The following RBFOX1 variants were observed in gnomAD, a reference collection of about 807,000 sequenced individuals.
The protein encoded by RBFOX1 is RNA binding fox-1 homolog 1.
Under a neutral mutation model 57.7 loss-of-function variants are expected in RBFOX1, and 8 were observed. That is an observed-to-expected ratio of 0.14 (90% CI 0.08 to 0.25). The LOEUF is 0.25. Among genes scored for constraint, RBFOX1 ranks in the 10% least tolerant of loss-of-function variants. RBFOX1 has a pLI of 1.00. For missense variants in RBFOX1, 611 were observed against 548.5 expected (o/e 1.11, Z -1.14); for synonymous variants, 326 against 222.4 (o/e 1.47, Z -4.15).
At chr16:5,709,785 C>T (rs1447468190) in intron 3 of RBFOX1, among the ~76,000 whole-genome samples, 1 of 103,080 alleles carries the variant, frequency 9.7e-6, no homozygotes, top group Non-Finnish European at 1.9e-5. Flanking sequence ...CCACTGTAAT[C>T]TACTGGGTGT....
intron 3 of RBFOX1, among the ~76,000 whole-genome samples, chr16:6,844,627 A>C (rs1210861515): frequency 6.6e-6 from 1 of 152,086 alleles, no homozygotes; most frequent in Non-Finnish European, 1.5e-5. Flanking sequence ...TGCTATCGTG[A>C]ATAGTGCTGC....
At chr16:7,571,807 C>T (rs1009748512) in intron 5 of RBFOX1, among the ~76,000 whole-genome samples, 5 of 141,186 alleles carry the variant, frequency 3.5e-5, no homozygotes, top group Non-Finnish European at 1.6e-5. Context: ...GAGGCTGCGT[C>T]TCAGAGTTGT....
intron 2 of RBFOX1, among the ~76,000 whole-genome samples, chr16:6,375,626 C>T (rs2091072273): frequency 6.6e-6 from 1 of 152,098 alleles, no homozygotes; most frequent in African/African-American, 2.4e-5. Context: ...GATTGCTGGA[C>T]AGCCCCCTTG....
At chr16:5,560,033 T>A (rs1182032925) in intron 2 of RBFOX1, among the ~76,000 whole-genome samples, 2 of 152,182 alleles carry the variant, frequency 1.3e-5, no homozygotes, top group South Asian at 2.1e-4. Context: ...CTCTTGTCTG[T>A]CTTATAACCT....
chr16:5,441,477 G>A (rs192766544), intron 1 of RBFOX1, among the ~76,000 whole-genome samples: 2 of 150,298 alleles, frequency 1.3e-5, no homozygotes, highest in Admixed American at 1.3e-4. Flanking sequence ...CTATTCTCCT[G>A]CCTCAGCCTC....
intron 3 of RBFOX1, among the ~76,000 whole-genome samples, chr16:5,862,168 C>T (rs2057235106): frequency 6.6e-6 from 1 of 152,194 alleles, no homozygotes; most frequent in Non-Finnish European, 1.5e-5. Flanking sequence ...TGCTAGACTC[C>T]TTCAGGGTTT....
chr16:7,703,059 T>G (rs2081287632), intron 14 of RBFOX1, among the ~76,000 whole-genome samples: 1 of 152,190 alleles, frequency 6.6e-6, no homozygotes, highest in Non-Finnish European at 1.5e-5. Context: ...AAAGAGAACA[T>G]CCCTTTAGCT....
intron 4 of RBFOX1, among the ~76,000 whole-genome samples, chr16:7,386,996 T>G (rs1009190730): frequency 2.6e-5 from 4 of 152,248 alleles, no homozygotes; most frequent in African/African-American, 9.6e-5. Context: ...GAGCATTTAT[T>G]CATATGTTTG....
At chr16:6,848,314 C>G (rs936164605) in intron 3 of RBFOX1, among the ~76,000 whole-genome samples, 20 of 152,220 alleles carry the variant, frequency 1.3e-4, no homozygotes, top group African/African-American at 3.4e-4. Flanking sequence ...CAGGCTTTCT[C>G]ATTTCTCCAG....
intron 4 of RBFOX1, among the ~76,000 whole-genome samples, chr16:7,439,522 T>C (rs537739922): frequency 6.6e-6 from 1 of 152,204 alleles, no homozygotes; most frequent in Admixed American, 6.5e-5. Flanking sequence ...CCAGGCCTTG[T>C]AAGTCGATAG....
At chr16:6,046,231 G>A (rs1376702893) in intron 1 of RBFOX1, among the ~76,000 whole-genome samples, 1 of 152,196 alleles carries the variant, frequency 6.6e-6, no homozygotes, top group Non-Finnish European at 1.5e-5. Flanking sequence ...TGATGATGAT[G>A]CCTGGTCCTA....
intron 4 of RBFOX1, among the ~76,000 whole-genome samples, chr16:7,450,192 G>A (rs948450648): frequency 1.3e-5 from 2 of 152,128 alleles, no homozygotes; most frequent in South Asian, 2.1e-4. Flanking sequence ...TCAGGGGATC[G>A]AGATCATCCT....
intron 5 of RBFOX1, among the ~76,000 whole-genome samples, chr16:7,534,709 C>T (rs944392320): frequency 6.6e-6 from 1 of 152,140 alleles, no homozygotes; most frequent in African/African-American, 2.4e-5. Flanking sequence ...GTTTCCTTTT[C>T]ACAGTAAGGG....
At chr16:6,240,552 C>G (rs1489236070) in intron 1 of RBFOX1, among the ~76,000 whole-genome samples, 15 of 152,068 alleles carry the variant, frequency 9.9e-5, no homozygotes, top group East Asian at 1.9e-4. Flanking sequence ...TCTTCATCAT[C>G]TTATACTTTG....
intron 3 of RBFOX1, among the ~76,000 whole-genome samples, chr16:6,780,574 A>G (rs1190773072): frequency 1.5e-5 from 2 of 131,878 alleles, no homozygotes; most frequent in Non-Finnish European, 3.1e-5. Context: ...ATATATATTT[A>G]TATATATATT....
intron 2 of RBFOX1, among the ~76,000 whole-genome samples, chr16:6,360,300 G>A (rs1434289037): frequency 2.0e-5 from 3 of 151,910 alleles, no homozygotes; most frequent in African/African-American, 4.8e-5. Flanking sequence ...ATCATGAGGT[G>A]CCAAAATTCT....
chr16:7,352,486 G>A (rs150666228), intron 4 of RBFOX1, among the ~76,000 whole-genome samples: 5 of 152,152 alleles, frequency 3.3e-5, no homozygotes, highest in African/African-American at 7.2e-5. Context: ...GTAAGAATCT[G>A]TCACCACTAA....
intron 3 of RBFOX1, among the ~76,000 whole-genome samples, chr16:6,714,509 G>T (rs914543649): frequency 6.6e-6 from 1 of 152,132 alleles, no homozygotes; most frequent in Non-Finnish European, 1.5e-5. Context: ...TCCTACCCAA[G>T]GGCAGGGGGC....
At chr16:7,468,439 T>C (rs1208125662) in intron 4 of RBFOX1, among the ~76,000 whole-genome samples, 4 of 151,634 alleles carry the variant, frequency 2.6e-5, no homozygotes, top group African/African-American at 9.7e-5. Flanking sequence ...CCGCTTATTT[T>C]TGAGTCACTC....
Sources: gnomAD v4.1 joint callset for allele counts (sites outside exome capture counted in the v4.1 genomes callset) on GRCh38, gnomAD v4.1.1 for gene constraint, MANE v1.5 for transcripts, NCBI Gene and HGNC (gene_info 2026-07-23, HGNC 2026-07-21) for gene names.